The following RBM33 variants were observed in gnomAD, a reference collection of about 807,000 sequenced individuals.
RBM33 encodes RNA binding motif protein 33.
In RBM33, 28 loss-of-function variants were observed where a neutral mutation model predicts 132.6. The ratio of observed to expected loss-of-function variants is 0.21; its 90% CI spans 0.16 to 0.29. RBM33 has a LOEUF of 0.29. RBM33 is among the 10% of genes least tolerant of loss of function. The pLI, the probability that RBM33 is intolerant of heterozygous loss-of-function variation, is 1.00. For synonymous variants in RBM33, 634 were observed against 593.0 expected (o/e 1.07, Z -1.01); for missense variants, 1,291 against 1,518.5 (o/e 0.85, Z 2.49).
At chr7:155,704,751 GC>G (rs1800067399) in intron 6 of RBM33, among the ~76,000 whole-genome samples, 1 of 151,804 alleles carries the variant, frequency 6.6e-6, no homozygotes, top group African/African-American at 2.4e-5. Context: ...CTTTTTTATT[GC>G]TGTAGCCTAA....
At chr7:155,699,979 A>C (rs1359219957) in intron 5 of RBM33, among the ~76,000 whole-genome samples, 1 of 152,214 alleles carries the variant, frequency 6.6e-6, no homozygotes, top group African/African-American at 2.4e-5. Flanking sequence ...AGAGTGGGTC[A>C]CAGAGACTGA....
At chr7:155,721,139 G>T (rs1437471373) in intron 9 of RBM33, among the ~76,000 whole-genome samples, 1 of 81,352 alleles carries the variant, frequency 1.2e-5, no homozygotes, top group South Asian at 3.2e-4. Flanking sequence ...AGCTGTGCTC[G>T]TAGTAGTGCA....
chr7:155,718,967 TCA>T (rs879367019), intron 9 of RBM33, among the ~76,000 whole-genome samples: 15 of 151,208 alleles, frequency 9.9e-5, no homozygotes, highest in African/African-American at 3.1e-4. Context: ...TCTCTCTCTC[TCA>T]CACACACACA....
Position 155,777,963 on chromosome 7 carries a change from G to C in RBM33, c.*2922G>C, listed in dbSNP as rs1403992428. 6.6e-6 allele frequency: 1 copy of C among 152,614 alleles called. No individual in the cohort carries two copies. The highest frequency in any genetic ancestry group is 2.4e-5 in the African/African-American group (1 of 41,442). 9.5% of individuals were successfully genotyped at this position (152,614 alleles called of 1,614,324 possible). ...ACTTCTTTTCTTTTTGCATTATCTT[G>C]TTTTGGTTTTGTGCTGTAATAGAAG... On this transcript the variant is annotated 3_prime_UTR_variant, in exon 18 of 18. Coordinates refer to ENST00000401878, the MANE Select transcript of RBM33 (RefSeq NM_053043.3).
At chr7:155,759,499 G>C (rs1249858661) in intron 14 of RBM33, among the ~76,000 whole-genome samples, 4 of 145,138 alleles carry the variant, frequency 2.8e-5, no homozygotes, top group Middle Eastern at 3.4e-3. Flanking sequence ...CTCACTGCAA[G>C]CTCCGCCTCC....
chr7:155,766,993 A>C (rs1341388611), intron 16 of RBM33: 2 of 280,634 alleles, frequency 7.1e-6, no homozygotes, highest in Non-Finnish European at 1.3e-5. Flanking sequence ...TTTATTTGTA[A>C]TAACATTACA....
At chr7:155,725,204 T>G (rs1207029833) in intron 9 of RBM33, among the ~76,000 whole-genome samples, 1 of 41,966 alleles carries the variant, frequency 2.4e-5, no homozygotes, top group African/African-American at 2.8e-4. Context: ...TTTTTAGTTG[T>G]TTTTTTTTTT....
Position 155,738,377 on chromosome 7 carries a change from C to T in RBM33, c.1711C>T (p.Pro571Ser). 1 of 1,613,690 alleles carries T rather than the reference C, an allele frequency of 6.2e-7. No homozygotes were observed. The change falls in exon 11 of 18, where the codon CCC becomes TCC. Residue 571 changes from proline to serine, a missense_variant. Pro to Ser is a moderately conservative substitution (Grantham distance 74, BLOSUM62 -1). Around this residue, in one of 7 missense-constraint regions of RBM33, gnomAD observed 841 missense variants for 912.0 expected, o/e 0.92. Coordinates refer to ENST00000401878, the MANE Select transcript of RBM33 (RefSeq NM_053043.3). ...GCCAGGCCCAGGACAGCCGTTTCTG[C>T]CCACACACACACAGCCCAACCTGCA... ...FLPGPGQPFL[P>S]THTQPNLQGP...
intron 16 of RBM33, among the ~76,000 whole-genome samples, chr7:155,772,714 C>T (rs1268905411): frequency 6.6e-6 from 1 of 152,158 alleles, no homozygotes; most frequent in South Asian, 2.1e-4. Flanking sequence ...AGACCAATTC[C>T]GTTACTGCCT....
At chr7:155,757,059 C>T (rs1801875211) in intron 14 of RBM33, among the ~76,000 whole-genome samples, 1 of 152,170 alleles carries the variant, frequency 6.6e-6, no homozygotes, top group South Asian at 2.1e-4. Flanking sequence ...AAATAAACGT[C>T]TGTCCATTGG....
Position 155,745,599 on chromosome 7 carries a change from T to G in RBM33, c.2976T>G (p.Gly992=). Residue 992 remains glycine, a synonymous_variant, in exon 14 of 18, where the codon GGT becomes GGG. Coordinates refer to ENST00000401878, the MANE Select transcript of RBM33 (RefSeq NM_053043.3). This position sits in a 1 kb window ranked among gnomAD's most constrained non-coding sequence, Gnocchi z 4.1. ...SSKVRVIKLS[G]GGGESDGFFH... Reference sequence around the variant, plus strand: ...AGGTCAGGGTGATTAAGCTGTCAGGTGGGGTAAGTTGACAAGTTTTATGAG... The same window carrying G: ...AGGTCAGGGTGATTAAGCTGTCAGGGGGGGTAAGTTGACAAGTTTTATGAG... The G allele has an allele frequency of 6.4e-7, 1 of 1,572,194 alleles. No individual in the cohort carries two copies. The highest frequency in any genetic ancestry group is 8.6e-7 in the Non-Finnish European group (1 of 1,157,942).
intron 15 of RBM33, among the ~76,000 whole-genome samples, chr7:155,764,760 C>T (rs964022001): frequency 1.3e-5 from 2 of 152,248 alleles, no homozygotes; most frequent in Non-Finnish European, 2.9e-5. Flanking sequence ...CTGGGCGCAG[C>T]CCTGCTTTGC....
intron 14 of RBM33, among the ~76,000 whole-genome samples, chr7:155,752,471 T>C (rs1228338298): frequency 6.6e-6 from 1 of 152,232 alleles, no homozygotes; most frequent in East Asian, 1.9e-4. Flanking sequence ...GAATTAAACA[T>C]TACTATTTAG....
chr7:155,741,112 G>A (rs76407781), intron 12 of RBM33, among the ~76,000 whole-genome samples: 3 of 152,094 alleles, frequency 2.0e-5, no homozygotes, highest in Non-Finnish European at 2.9e-5. Context: ...CTGAGAAGAG[G>A]GTGCTTTATA....
intron 3 of RBM33, among the ~76,000 whole-genome samples, chr7:155,675,435 G>T (rs915080687): frequency 6.6e-6 from 1 of 151,520 alleles, no homozygotes; most frequent in Non-Finnish European, 1.5e-5. Context: ...TTGAATGTTT[G>T]TATATGCTAC....
At chr7:155,719,129 T>G (rs1436954229) in intron 9 of RBM33, among the ~76,000 whole-genome samples, 9 of 152,230 alleles carry the variant, frequency 5.9e-5, no homozygotes, top group Non-Finnish European at 1.3e-4. Flanking sequence ...ATTTGAATTT[T>G]TGGTTCAGTG....
In RBM33 at chr7:155,762,704, A is replaced by G. The variant is rs751834492; in HGVS notation, c.2980-1108A>G. Among the ~76,000 whole-genome samples, 12 of 152,220 alleles carry G rather than the reference A, an allele frequency of 7.9e-5. No individual in the cohort carries two copies. The Middle Eastern group carries it at 0.01, about 129-fold the overall frequency. On this transcript the variant is annotated intron_variant, in intron 14 of 17. Transcript: ENST00000401878. ...GATAACGTTTGGTAGGAAGAGCGGG[A>G]CACAAGGATATGTGGGCTGCTTCTG...
At chr7:155,713,305 GT>G (rs1800359970) in intron 8 of RBM33, among the ~76,000 whole-genome samples, 1 of 152,122 alleles carries the variant, frequency 6.6e-6, no homozygotes, top group African/African-American at 2.4e-5. Context: ...AGGTCAGGAG[GT>G]TGTTGGTGAA....
intron 9 of RBM33, among the ~76,000 whole-genome samples, chr7:155,737,245 CGTGTGTGT>C (rs1554481863): frequency 9.4e-5 from 14 of 149,262 alleles, no homozygotes; most frequent in African/African-American, 3.2e-4. Context: ...TCTAGGTGCG[CGTGTGTGT>C]GTGTGTGTGT....
Sources: gnomAD v4.1 joint callset for allele counts (sites outside exome capture counted in the v4.1 genomes callset) on GRCh38, gnomAD v4.1.1 for gene constraint, gnomAD v4.1.1 regional missense constraint, Gnocchi (gnomAD v3.1) non-coding constraint, MANE v1.5 for transcripts, NCBI Gene and HGNC (gene_info 2026-07-23, HGNC 2026-07-21) for gene names.